The following TRPC7 variants were observed in gnomAD, a reference collection of about 807,000 sequenced individuals.
TRPC7 encodes short transient receptor potential channel 7.
TRPC7 carries 42 observed loss-of-function variants against 90.1 expected under a neutral mutation model. The observed-to-expected ratio is 0.47, with a 90% CI of 0.36 to 0.60. The LOEUF (loss-of-function observed/expected upper bound fraction) is 0.60. Among genes scored for constraint, TRPC7 ranks in the 20% least tolerant of loss-of-function variants. The pLI is 0.00. For synonymous variants in TRPC7, 451 were observed against 436.3 expected (o/e 1.03, Z -0.42); for missense variants, 955 against 1,112.3 (o/e 0.86, Z 2.01).
At position 136,315,761 on chromosome 5, in the gene TRPC7, A is replaced by G. The variant is rs1455135673; in HGVS notation, c.799T>C (p.Ser267Pro). Residue 267 changes from serine to proline, a missense_variant, in exon 3 of 12, where the codon TCT becomes CCT. Transcript: ENST00000513104. ...ACTACAAAATCCTTGCATTGCATAG[A>G]TAACTTCCTGTAATCGTTCTAACAG... The part of the protein sequence containing the change: ...TEFKNDYRKL[S>P]MQCKDFVVGV... 2 of 1,613,852 alleles carry G rather than the reference A, an allele frequency of 1.2e-6. No homozygotes were observed. The highest frequency in any genetic ancestry group is 1.7e-6 in the Non-Finnish European group (2 of 1,179,826).
At chr5:136,226,312 C>A in intron 8 of TRPC7, 57 bp from the exon 9 acceptor site, 7 of 1,314,666 alleles carry the variant, frequency 5.3e-6, no homozygotes, top group Non-Finnish European at 7.5e-6. Flanking sequence ...AACAACGGAG[C>A]CCAACCTGAG....
At chr5:136,273,884 G>A (rs1308597797) in intron 4 of TRPC7, among the ~76,000 whole-genome samples, 1 of 152,156 alleles carries the variant, frequency 6.6e-6, no homozygotes, top group East Asian at 1.9e-4. Context: ...CCCGAAGCTG[G>A]AGTGCTGTTA....
intron 5 of TRPC7, among the ~76,000 whole-genome samples, chr5:136,258,605 G>A (rs1210909525): frequency 6.6e-6 from 1 of 152,194 alleles, no homozygotes; most frequent in African/African-American, 2.4e-5. Context: ...GCTGGGAAGT[G>A]CCAGGAAGCC....
At chr5:136,325,165 GTAT>G (rs1451200580) in intron 2 of TRPC7, among the ~76,000 whole-genome samples, 1 of 152,164 alleles carries the variant, frequency 6.6e-6, no homozygotes, top group Non-Finnish European at 1.5e-5. Context: ...AGAGCTGATA[GTAT>G]TATTATCCCT....
At chr5:136,341,976 C>T (rs1180279678) in intron 2 of TRPC7, among the ~76,000 whole-genome samples, 1 of 152,082 alleles carries the variant, frequency 6.6e-6, no homozygotes, top group Non-Finnish European at 1.5e-5. Context: ...TTTTTAATTC[C>T]AGCTCCCTCT....
intron 8 of TRPC7, 51 bp from the exon 9 acceptor site, chr5:136,226,306 A>T: frequency 7.4e-7 from 1 of 1,352,782 alleles, no homozygotes; most frequent in Non-Finnish European, 1.0e-6. Context: ...CGATTTAACA[A>T]CGGAGCCCAA....
At chr5:136,281,446 T>A (rs1757547828) in intron 3 of TRPC7, among the ~76,000 whole-genome samples, 2 of 152,196 alleles carry the variant, frequency 1.3e-5, no homozygotes, top group Non-Finnish European at 2.9e-5. Flanking sequence ...CTGAAGGACC[T>A]AATTAGCATT....
In TRPC7 at chr5:136,213,335, G is replaced by T; in HGVS notation, c.*100C>A. ...GCCAGGAGATCCCCTTCGTGTCCTAGAGGAGTGGGCTGGGGACCCCTCCCC... is the reference window on the plus strand; with the variant it reads ...GCCAGGAGATCCCCTTCGTGTCCTATAGGAGTGGGCTGGGGACCCCTCCCC... On this transcript the variant is annotated 3_prime_UTR_variant, in exon 12 of 12. Coordinates refer to ENST00000513104, the MANE Select transcript of TRPC7 (RefSeq NM_020389.3). The T allele has an allele frequency of 8.1e-7, 1 of 1,235,026 alleles. No homozygotes were observed. The highest frequency in any genetic ancestry group is 1.1e-6 in the Non-Finnish European group (1 of 878,488). 76.5% of individuals were successfully genotyped at this position (1,235,026 alleles called of 1,614,324 possible). A position where few individuals can be genotyped will look rare whatever the true frequency, so the allele number is the denominator to read the frequency against.
rs573432837 is a variant in TRPC7 at position 136,286,469 on chromosome 5, C to T, written c.964-11632G>A. Among the ~76,000 whole-genome samples, 313 of 152,318 alleles carry T rather than the reference C, an allele frequency of 2.1e-3. 1 individual carries two copies. Among genetic ancestry groups the T allele is most frequent in the African/African-American group, 7.3e-3 (302 of 41,578 alleles). On this transcript the variant is annotated intron_variant, in intron 3 of 11. Transcript: ENST00000513104. Reference sequence around the variant, plus strand: ...GTCCAGCTTCCCTGAGACCCCCATGCTGTGAGGAAGCTCAAAATATCCACG... The same window carrying T: ...GTCCAGCTTCCCTGAGACCCCCATGTTGTGAGGAAGCTCAAAATATCCACG...
At chr5:136,333,527 G>C (rs556373887) in intron 2 of TRPC7, among the ~76,000 whole-genome samples, 1 of 152,314 alleles carries the variant, frequency 6.6e-6, no homozygotes, top group African/African-American at 2.4e-5. Context: ...TTTTCAGCAG[G>C]AGAATATCAT....
chr5:136,342,277 T>C (rs1179239888), intron 2 of TRPC7, among the ~76,000 whole-genome samples: 2 of 152,144 alleles, frequency 1.3e-5, no homozygotes, highest in African/African-American at 4.8e-5. Flanking sequence ...CTCCCTCTGT[T>C]CACCAAGCCC....
intron 2 of TRPC7, among the ~76,000 whole-genome samples, chr5:136,336,211 C>T (rs986983900): frequency 5.3e-5 from 8 of 152,172 alleles, no homozygotes; most frequent in African/African-American, 1.9e-4. Flanking sequence ...CCTCTGTGTT[C>T]TCACAGTATT....
intron 2 of TRPC7, among the ~76,000 whole-genome samples, chr5:136,335,767 G>C (rs926699266): frequency 1.3e-5 from 2 of 151,810 alleles, no homozygotes; most frequent in Non-Finnish European, 2.9e-5. Flanking sequence ...AGCCAGGCGT[G>C]GTGGCGGGCG....
chr5:136,292,990 G>T (rs1316923438), intron 3 of TRPC7, among the ~76,000 whole-genome samples: 8 of 152,042 alleles, frequency 5.3e-5, no homozygotes, highest in Non-Finnish European at 1.0e-4. Context: ...CTGGTTCAAC[G>T]TATGAAAATC....
At chr5:136,280,879 G>T (rs966523160) in intron 3 of TRPC7, among the ~76,000 whole-genome samples, 3 of 152,094 alleles carry the variant, frequency 2.0e-5, no homozygotes, top group Non-Finnish European at 4.4e-5. Context: ...GGTGGGGTTG[G>T]TAAATCTCTG....
At chr5:136,295,149 G>C (rs932197874) in intron 3 of TRPC7, among the ~76,000 whole-genome samples, 1 of 151,590 alleles carries the variant, frequency 6.6e-6, no homozygotes, top group African/African-American at 2.4e-5. Context: ...GGGGTGGGGG[G>C]AGTGGGGAGG....
At chr5:136,319,065 C>T (rs1033336423) in intron 2 of TRPC7, among the ~76,000 whole-genome samples, 1 of 152,194 alleles carries the variant, frequency 6.6e-6, no homozygotes, top group Non-Finnish European at 1.5e-5. Flanking sequence ...TCACTACCTC[C>T]AGCCTCAAGT....
chr5:136,214,778 A>G (rs1382085092), intron 11 of TRPC7, among the ~76,000 whole-genome samples: 2 of 152,180 alleles, frequency 1.3e-5, no homozygotes, highest in East Asian at 1.9e-4. Context: ...GGGTCACCCA[A>G]TGACCAGGCT....
chr5:136,273,780 A>G (rs1757275695), intron 4 of TRPC7, among the ~76,000 whole-genome samples: 1 of 152,230 alleles, frequency 6.6e-6, no homozygotes. Context: ...ATCACTAGGT[A>G]AATGCAGCTT....
Sources: gnomAD v4.1 joint callset for allele counts (sites outside exome capture counted in the v4.1 genomes callset) on GRCh38, gnomAD v4.1.1 for gene constraint, MANE v1.5 for transcripts, NCBI Gene and HGNC (gene_info 2026-07-23, HGNC 2026-07-21) for gene names.